The following MORC2 variants were observed in gnomAD, a reference collection of about 807,000 sequenced individuals.
MORC2 encodes the protein MORC family CW-type zinc finger 2, also known as ATPase MORC2.
Under a neutral mutation model 136.0 loss-of-function variants are expected in MORC2, and 30 were observed. That is an observed-to-expected ratio of 0.22 (90% CI 0.17 to 0.30). MORC2 has a LOEUF of 0.30. MORC2 is among the 10% of genes least tolerant of loss of function. MORC2 has a pLI of 1.00. For synonymous variants in MORC2, 439 were observed against 487.0 expected (o/e 0.90, Z 1.30); for missense variants, 922 against 1,333.1 (o/e 0.69, Z 4.80).
chr22:30,933,934 A>C, intron 20 of MORC2, 126 bp downstream of exon 20: 1 of 1,128,568 alleles, frequency 8.9e-7, no homozygotes, highest in Non-Finnish European at 1.3e-6. Flanking sequence ...TGGGGGGGGT[A>C]GACTGCTGGT....
chr22:30,926,659 CAG>C lies in MORC2; in HGVS notation c.*142_*143del, dbSNP rs1448421940. The C allele has an allele frequency of 3.4e-6, 1 of 297,368 alleles. No homozygotes were observed. The highest frequency in any genetic ancestry group is 6.2e-6 in the Non-Finnish European group (1 of 161,670). 18.4% of individuals were successfully genotyped at this position (297,368 alleles called of 1,614,324 possible). On this transcript the variant is annotated 3_prime_UTR_variant, in exon 26 of 26. Coordinates refer to ENST00000397641, the MANE Select transcript of MORC2 (RefSeq NM_001303256.3). ...TAAACTTAAGGAAGATTCAAAGAATCAGGGTATCTTTTCCTCCAAAAACACAA... is the reference window on the plus strand; with the variant it reads ...TAAACTTAAGGAAGATTCAAAGAATCGGTATCTTTTCCTCCAAAAACACAA...
rs2147247965 is a variant in MORC2, at chr22:30,934,814, C to T, written c.2160G>A (p.Val720=). The T allele has an allele frequency of 6.2e-7, 1 of 1,614,176 alleles. No individual in the cohort carries two copies. Among genetic ancestry groups the T allele is most frequent in the East Asian group, 2.2e-5 (1 of 44,888 alleles). ...GTTTGATGGGTGACTCTGTCTTCTT[C>T]ACCACTGGAGTCTTGATGACTTTGG... is the stretch of plus-strand genomic sequence containing the variant. ...PSPKVIKTPV[V]KKTESPIKLS... The change falls in exon 19 of 26, where the codon GTG becomes GTA. Residue 720 remains valine, a synonymous_variant. Transcript: ENST00000397641. The surrounding 1 kb of genome is among the most constrained non-coding windows in gnomAD (Gnocchi z 4.4).
intron 20 of MORC2, 48 bp from the exon 21 acceptor site, chr22:30,933,568 G>A: frequency 3.8e-6 from 6 of 1,595,970 alleles, no homozygotes; most frequent in Non-Finnish European, 5.1e-6. Flanking sequence ...CCCCCCAAGA[G>A]CAGACTTGTG....
At position 30,942,169 on chromosome 22, in the gene MORC2, G is replaced by A; in HGVS notation, c.529C>T (p.Pro177Ser). The change falls in exon 7 of 26, where the codon CCA becomes TCA. Residue 177 changes from proline (P) to serine (S), a missense_variant. Coordinates refer to ENST00000397641, the MANE Select transcript of MORC2 (RefSeq NM_001303256.3). The part of the protein sequence containing the change: ...IETELIYKYS[P>S]FRTEEEVMTQ... ...ATCACTTCCTCCTCAGTGCGGAATGGAGAGTACTTATAGATGAGTTCTGTC... is the reference window on the plus strand; with the variant it reads ...ATCACTTCCTCCTCAGTGCGGAATGAAGAGTACTTATAGATGAGTTCTGTC... 2 of 1,614,200 alleles carry A rather than the reference G, an allele frequency of 1.2e-6. No individual in the cohort carries two copies. The highest frequency in any genetic ancestry group is 8.5e-7 in the Non-Finnish European group (1 of 1,180,012).
intron 25 of MORC2, among the ~76,000 whole-genome samples, chr22:30,927,662 G>A (rs1356949338): frequency 2.6e-5 from 4 of 152,230 alleles, no homozygotes; most frequent in Non-Finnish European, 4.4e-5. Context: ...AGGCCCTCAT[G>A]CTTATTGCCT....
chr22:30,935,217 G>A, intron 18 of MORC2, 31 bp downstream of exon 18: 1 of 1,612,404 alleles, frequency 6.2e-7, no homozygotes, highest in East Asian at 2.2e-5. Flanking sequence ...GACACCTGAG[G>A]AAAAGCCCTT....
At chr22:30,962,958 G>A (rs574971902) in intron 1 of MORC2, among the ~76,000 whole-genome samples, 13 of 152,086 alleles carry the variant, frequency 8.5e-5, no homozygotes, top group Middle Eastern at 3.4e-3. Flanking sequence ...ATTTGGGATA[G>A]AGTAAACATC....
At position 30,940,895 on chromosome 22, in the gene MORC2, C is replaced by T. The variant is rs368749249; in HGVS notation, c.825-58G>A. ...CGCAGCAGTGGGGCAGGTGGCACAC[C>T]CAAGCACAGGAAGCACCCTGCCTTC... On this transcript the variant is annotated intron_variant, in intron 9 of 25. Transcript: ENST00000397641. 1.8e-4 allele frequency: 260 copies of T among 1,435,670 alleles called. 1 individual carries two copies. The highest frequency in any genetic ancestry group is 7.0e-4 in the Middle Eastern group (4 of 5,742). The allele number at this position is 1,435,670 out of a possible 1,614,324, so 88.9% of individuals were successfully genotyped here. A position where few individuals can be genotyped will look rare whatever the true frequency, so the allele number is the denominator to read the frequency against.
intron 1 of MORC2, chr22:30,967,336 G>A (rs2051740874): frequency 2.0e-6 from 2 of 987,602 alleles, no homozygotes; most frequent in Non-Finnish European, 2.4e-6. Flanking sequence ...AATCTGCCAG[G>A]AAGATAATGC....
chr22:30,941,619 C>T lies in MORC2; in HGVS notation c.699-61G>A. 3 of 1,579,010 alleles carry T rather than the reference C, an allele frequency of 1.9e-6. No homozygotes were observed. In the South Asian group the frequency reaches 3.4e-5, roughly 18 times the overall value. ...GCTCCACAACAGGCCTGACCAAGGG[C>T]ACAACATCCTCTCTGCAGGCTCTCC... On this transcript the variant is annotated intron_variant, in intron 8 of 25. Coordinates refer to ENST00000397641, the MANE Select transcript of MORC2 (RefSeq NM_001303256.3). The surrounding 1 kb of genome is among the most constrained non-coding windows in gnomAD (Gnocchi z 4.6).
In MORC2 at chr22:30,941,516, G is replaced by C; in HGVS notation, c.741C>G (p.Leu247=). The change falls in exon 9 of 26, where the codon CTC becomes CTG. Residue 247 remains leucine, a synonymous_variant. Coordinates refer to ENST00000397641, the MANE Select transcript of MORC2 (RefSeq NM_001303256.3). This position sits in a 1 kb window ranked among gnomAD's most constrained non-coding sequence, Gnocchi z 4.6. ...RRSFRAYAAV[L]YIDPRMRIFI... is the part of the protein sequence containing the mutation. ...AGATCCTCATCCGGGGATCAATATAGAGCACAGCGGCATAGGCACGGAACG... is the reference window on the plus strand; with the variant it reads ...AGATCCTCATCCGGGGATCAATATACAGCACAGCGGCATAGGCACGGAACG... 1.2e-6 allele frequency: 2 copies of C among 1,614,060 alleles called. No individual in the cohort carries two copies. Among genetic ancestry groups the C allele is most frequent in the Non-Finnish European group, 8.5e-7 (1 of 1,179,984 alleles).
At position 30,946,429 on chromosome 22, in the gene MORC2, T is replaced by C; in HGVS notation, c.338A>G (p.Lys113Arg). Residue 113 changes from lysine to arginine, a missense_variant, in exon 6 of 26, where the codon AAG becomes AGG. This residue lies in a region of MORC2 where 261 missense variants were observed against 354.3 expected (regional missense o/e 0.74). Coordinates refer to ENST00000397641, the MANE Select transcript of MORC2 (RefSeq NM_001303256.3). ...GLKSGSMRIG[K>R]DFILFTKKED... ...CTTCTTGGTGAACAGGATAAAATCC[T>C]TCCCAATGCGCATTGAGCCCCTGAA... 2 of 1,609,930 alleles carry C rather than the reference T, an allele frequency of 1.2e-6. No individual in the cohort carries two copies. The highest frequency in any genetic ancestry group is 2.2e-5 in the East Asian group (1 of 44,542).
At chr22:30,951,341 AT>A (rs1225593716) in intron 3 of MORC2, among the ~76,000 whole-genome samples, 1 of 152,252 alleles carries the variant, frequency 6.6e-6, no homozygotes, top group Non-Finnish European at 1.5e-5. Context: ...TGGAGAAGCG[AT>A]TCCCAAATAT....
rs766280557 is a variant in MORC2 at position 30,932,322 on chromosome 22, A to G, written c.2841+37T>C. The G allele has an allele frequency of 1.3e-5, 19 of 1,492,972 alleles. No individual in the cohort carries two copies. The South Asian group carries it at 2.1e-4, about 16-fold the overall frequency. The allele number at this position is 1,492,972 out of a possible 1,614,324, so 92.5% of individuals were successfully genotyped here. On this transcript the variant is annotated intron_variant, in intron 24 of 25. Coordinates refer to ENST00000397641, the MANE Select transcript of MORC2 (RefSeq NM_001303256.3). This position sits in a 1 kb window ranked among gnomAD's most constrained non-coding sequence, Gnocchi z 4.4. ...CAAATGCAGGGGCAGGGGTGGGGGA[A>G]TGAAGAGTGTGGAATCGAAGGTCAG...
chr22:30,941,819 T>C lies in MORC2; in HGVS notation c.698+72A>G. 1 of 1,363,968 alleles carries C rather than the reference T, an allele frequency of 7.3e-7. No individual in the cohort carries two copies. The allele number at this position is 1,363,968 out of a possible 1,614,324, so 84.5% of individuals were successfully genotyped here. On this transcript the variant is annotated intron_variant, in intron 8 of 25. Transcript: ENST00000397641. The surrounding 1 kb of genome is among the most constrained non-coding windows in gnomAD (Gnocchi z 4.6). ...TGGGCAATGAATGTGCTCTCCCCTC[T>C]TTCCCTGAAGCCATCTCCTGAGAGC...
rs737927 is a variant in MORC2, at chr22:30,942,483, T to C, written c.427-212A>G. 0.3 allele frequency among the ~76,000 whole-genome samples: 46,041 copies of C among 152,050 alleles called. 7,414 individuals carry two copies. The highest frequency in any genetic ancestry group is 0.62 in the East Asian group (3,172 of 5,156). ...ACACAAGACTACTTCCTTCAGGAGA[T>C]GTTGGTTTATGTGCTTAGGGTCTCT... On this transcript the variant is annotated intron_variant, in intron 6 of 25. Transcript: ENST00000397641.
At chr22:30,933,077 C>G in intron 21 of MORC2, 47 bp from the exon 22 acceptor site, 1 of 1,607,016 alleles carries the variant, frequency 6.2e-7, no homozygotes, top group Non-Finnish European at 8.5e-7. Context: ...GCGTAGAGTC[C>G]CTCACTTGGC....
intron 2 of MORC2, among the ~76,000 whole-genome samples, chr22:30,957,799 C>T (rs1399982741): frequency 1.3e-5 from 2 of 152,082 alleles, no homozygotes; most frequent in Non-Finnish European, 1.5e-5. Context: ...ATGAGCAGTC[C>T]AGCTAATAAC....
At chr22:30,963,503 G>A (rs1008316932) in intron 1 of MORC2, among the ~76,000 whole-genome samples, 4 of 151,514 alleles carry the variant, frequency 2.6e-5, no homozygotes, top group African/African-American at 9.7e-5. Flanking sequence ...TCCTGCCTCA[G>A]ACTCCCGAGT....
Sources: allele counts gnomAD v4.1 joint callset (sites outside exome capture counted in the v4.1 genomes callset), GRCh38; gene constraint gnomAD v4.1.1; regional missense constraint gnomAD v4.1.1; non-coding constraint Gnocchi (gnomAD v3.1); transcripts MANE v1.5; gene names NCBI Gene and HGNC (gene_info 2026-07-23, HGNC 2026-07-21).